NSFL1C: variants seen among roughly 807,000 people sequenced by gnomAD.
NSFL1C encodes NSFL1 cofactor, also known as NSFL1 cofactor p47.
Under a neutral mutation model 43.1 loss-of-function variants are expected in NSFL1C, and 14 were observed. The observed-to-expected ratio is 0.32, with a 90% confidence interval of 0.21 to 0.51. The LOEUF (loss-of-function observed/expected upper bound fraction) is 0.51. Ranked by LOEUF, NSFL1C falls within the 20% of genes least tolerant of loss-of-function variation. The pLI is 0.98. For missense variants in NSFL1C, 406 were observed against 472.5 expected, an observed-to-expected ratio of 0.86 and a Z score of 1.30; for synonymous variants, 171 against 183.5, an observed-to-expected ratio of 0.93 and a Z score of 0.55.
chr20:1,464,075 C>G (rs766481770), intron 2 of NSFL1C: 3 of 439,490 alleles, frequency 6.8e-6, no homozygotes, highest in Admixed American at 8.1e-5. Context: ...ATTCCTCATA[C>G]TACATAAGTA....
intron 7 of NSFL1C, among the ~76,000 whole-genome samples, chr20:1,448,245 T>C (rs930192373): frequency 6.6e-6 from 1 of 152,230 alleles, no homozygotes; most frequent in African/African-American, 2.4e-5. Flanking sequence ...GTTGGTGTGA[T>C]GCCAGAGAAA....
intron 1 of NSFL1C, among the ~76,000 whole-genome samples, chr20:1,465,127 C>T (rs8121679): frequency 6.6e-6 from 1 of 152,192 alleles, no homozygotes; most frequent in Admixed American, 6.5e-5. Flanking sequence ...ATATGGGAAT[C>T]CTTTGGTCAT....
At chr20:1,444,536 T>C (rs946030242) in intron 8 of NSFL1C, among the ~76,000 whole-genome samples, 2 of 152,224 alleles carry the variant, frequency 1.3e-5, no homozygotes, top group East Asian at 1.9e-4. Context: ...CTGGAGATCA[T>C]ATGACAATGA....
chr20:1,460,315 AG>A (rs1426502141), intron 2 of NSFL1C, among the ~76,000 whole-genome samples: 3 of 152,172 alleles, frequency 2.0e-5, no homozygotes, highest in African/African-American at 4.8e-5. Context: ...GCAAATCCCC[AG>A]GCCCCCTCTT....
intron 2 of NSFL1C, among the ~76,000 whole-genome samples, chr20:1,459,315 C>T (rs1242845354): frequency 2.0e-5 from 3 of 152,122 alleles, no homozygotes; most frequent in Non-Finnish European, 2.9e-5. Context: ...TGGCACTTCC[C>T]CCTTCACACA....
intron 7 of NSFL1C, among the ~76,000 whole-genome samples, chr20:1,447,026 C>T (rs549181580): frequency 6.6e-6 from 1 of 152,176 alleles, no homozygotes. Flanking sequence ...AGAGATTGCA[C>T]AGTTAAATAT....
rs915780147 is a variant in NSFL1C, at chr20:1,458,333, T to A, written c.204-59A>T. 12 of 1,420,246 alleles carry A rather than the reference T, an allele frequency of 8.4e-6. No homozygotes were observed. The African/African-American group carries it at 1.6e-4, about 18-fold the overall frequency. 88.0% of individuals were successfully genotyped at this position (1,420,246 alleles called of 1,614,324 possible). On this transcript the variant is annotated intron_variant, in intron 2 of 8. Coordinates refer to ENST00000216879, the MANE Select transcript of NSFL1C (RefSeq NM_016143.5). ...GGAGCATTAAGAAAGGTAACCCTCA[T>A]CACCAGCTGCTAAGGAGGTGAAGAC... is the stretch of plus-strand genomic sequence containing the variant.
At chr20:1,464,206 A>G (rs1229890711) in intron 2 of NSFL1C, 123 bp downstream of exon 2, 1 of 758,624 alleles carries the variant, frequency 1.3e-6, no homozygotes, top group African/African-American at 1.7e-5. Context: ...CTACCCATTG[A>G]CTCAGTCTAA....
chr20:1,459,784 C>T (rs1484986950), intron 2 of NSFL1C, among the ~76,000 whole-genome samples: 2 of 152,186 alleles, frequency 1.3e-5, no homozygotes, highest in Non-Finnish European at 2.9e-5. Context: ...TGTACTAGTA[C>T]CCTGAGAGTA....
chr20:1,466,405 C>A (rs1049050119), intron 1 of NSFL1C, among the ~76,000 whole-genome samples: 2 of 152,252 alleles, frequency 1.3e-5, no homozygotes, highest in Non-Finnish European at 2.9e-5. Flanking sequence ...CCAGCAGATA[C>A]TCGGCGCGGC....
At chr20:1,445,547 G>T in intron 8 of NSFL1C, 119 bp downstream of exon 8, 1 of 1,171,714 alleles carries the variant, frequency 8.5e-7, no homozygotes, top group Non-Finnish European at 1.2e-6. Flanking sequence ...GTCTGCTTTG[G>T]GGAAAGCATG....
In NSFL1C at chr20:1,458,521, A is replaced by C. The variant is rs564494040; in HGVS notation, c.204-247T>G. 3.3e-5 allele frequency among the ~76,000 whole-genome samples: 5 copies of C among 152,328 alleles called. No homozygotes were observed. In the East Asian group the frequency reaches 7.7e-4, roughly 23 times the overall value. On this transcript the variant is annotated intron_variant, in intron 2 of 8. Coordinates refer to ENST00000216879, the MANE Select transcript of NSFL1C (RefSeq NM_016143.5). ...ATGAGGTAAAATGGAATCCCAATTT[A>C]AGCTGCCCTGGCTTTAATAAAAACT...
At chr20:1,445,518 T>C (rs952482209) in intron 8 of NSFL1C, 148 bp downstream of exon 8, 10 of 857,284 alleles carry the variant, frequency 1.2e-5, no homozygotes, top group Admixed American at 7.5e-5. Flanking sequence ...TTCAGACTTG[T>C]AGTCCTTACC....
chr20:1,444,737 T>C (rs1382491101), intron 8 of NSFL1C, among the ~76,000 whole-genome samples: 2 of 152,192 alleles, frequency 1.3e-5, no homozygotes, highest in Non-Finnish European at 1.5e-5. Flanking sequence ...CTGTCCACCC[T>C]GGGAATGGGC....
In NSFL1C at chr20:1,445,782, T is replaced by C. The variant is rs747375915; in HGVS notation, c.834A>G (p.Glu278=). The part of the protein sequence containing the change: ...LSTSSPAQQA[E]NEAKASSSIL... The stretch of plus-strand genomic sequence containing the variant: ...TGGAAGAGCTGGCTTTGGCTTCATT[T>C]TCTGCCTGTTGGGCTGGAGAGCTGG... Residue 278 remains glutamate, a synonymous_variant, in exon 8 of 9, where the codon GAA becomes GAG. Transcript: ENST00000216879. The C allele has an allele frequency of 2.7e-5, 44 of 1,613,936 alleles. No homozygotes were observed. Among genetic ancestry groups the C allele is most frequent in the Non-Finnish European group, 3.6e-5 (43 of 1,180,020 alleles).
chr20:1,464,246 C>A, intron 2 of NSFL1C, 83 bp downstream of exon 2: 1 of 1,213,344 alleles, frequency 8.2e-7, no homozygotes, highest in South Asian at 1.2e-5. Context: ...TCCACACACC[C>A]AGGCCTGAAC....
chr20:1,449,584 T>C (rs1016108592), intron 7 of NSFL1C, among the ~76,000 whole-genome samples: 1 of 152,200 alleles, frequency 6.6e-6, no homozygotes, highest in Non-Finnish European at 1.5e-5. Context: ...CTGCTCCCAG[T>C]GAGCGGCTGG....
At chr20:1,466,676 A>G (rs1366368670) in intron 1 of NSFL1C, 44 bp downstream of exon 1, 1 of 1,508,258 alleles carries the variant, frequency 6.6e-7, no homozygotes, top group Non-Finnish European at 8.9e-7. Context: ...GCCCGCTCCC[A>G]GCAGTCCCCG....
At chr20:1,450,476 A>G (rs2090160805) in intron 7 of NSFL1C, among the ~76,000 whole-genome samples, 1 of 152,208 alleles carries the variant, frequency 6.6e-6, no homozygotes, top group Admixed American at 6.5e-5. Flanking sequence ...CCACATTAAT[A>G]TTTATTCCTA....
Sources: gnomAD v4.1 joint callset for allele counts (sites outside exome capture counted in the v4.1 genomes callset) on GRCh38, gnomAD v4.1.1 for gene constraint, MANE v1.5 for transcripts, NCBI Gene and HGNC (gene_info 2026-07-23, HGNC 2026-07-21) for gene names.